Variants in MAN1A1 observed in about 807,000 individuals in gnomAD.
MAN1A1 encodes the protein mannosyl-oligosaccharide 1,2-alpha-mannosidase IA.
Under a neutral mutation model 70.8 loss-of-function variants are expected in MAN1A1, and 29 were observed. The ratio of observed to expected loss-of-function variants is 0.41; its 90% CI spans 0.31 to 0.56. The LOEUF (loss-of-function observed/expected upper bound fraction) is 0.56, where lower values mean the gene tolerates loss of function less well. MAN1A1 is among the 20% of genes least tolerant of loss of function. The pLI is 0.29. For missense variants in MAN1A1, 747 were observed against 841.3 expected (o/e 0.89, Z 1.39); for synonymous variants, 349 against 330.1 (o/e 1.06, Z -0.62).
chr6:119,235,302 A>T (rs1205751537), intron 6 of MAN1A1, among the ~76,000 whole-genome samples: 3 of 152,224 alleles, frequency 2.0e-5, no homozygotes, highest in Non-Finnish European at 4.4e-5. Flanking sequence ...TCTTGTGCCA[A>T]ACAGTTAAAG....
At chr6:119,266,948 A>C (rs1775774426) in intron 5 of MAN1A1, among the ~76,000 whole-genome samples, 1 of 152,236 alleles carries the variant, frequency 6.6e-6, no homozygotes, top group African/African-American at 2.4e-5. Context: ...CACCTCACTA[A>C]AGAAGACAAA....
rs527567745 is a variant in MAN1A1, at chr6:119,210,185, C to T, written c.993-5303G>A. ...TGGCGAGAGGCACTCTCTGATTCCACAAATAACCTGCTCCTGAGAGGTTCA... is the reference window on the plus strand; with the variant it reads ...TGGCGAGAGGCACTCTCTGATTCCATAAATAACCTGCTCCTGAGAGGTTCA... On this transcript the variant is annotated intron_variant, in intron 6 of 12. Coordinates refer to ENST00000368468, the MANE Select transcript of MAN1A1 (RefSeq NM_005907.4). Among the ~76,000 whole-genome samples, 4 of 152,292 alleles carry T rather than the reference C, an allele frequency of 2.6e-5. No homozygotes were observed. The South Asian group carries it at 8.3e-4, about 32-fold the overall frequency.
intron 11 of MAN1A1, among the ~76,000 whole-genome samples, chr6:119,184,887 GA>G (rs1382770635): frequency 1.3e-5 from 2 of 152,090 alleles, no homozygotes; most frequent in African/African-American, 2.4e-5. Flanking sequence ...AGTTTCTCAT[GA>G]TTTTTTTTTT....
At chr6:119,274,535 T>G (rs1309512847) in intron 5 of MAN1A1, among the ~76,000 whole-genome samples, 1 of 152,238 alleles carries the variant, frequency 6.6e-6, no homozygotes, top group Non-Finnish European at 1.5e-5. Flanking sequence ...CCTTCATTTA[T>G]ATCAGATATG....
intron 6 of MAN1A1, among the ~76,000 whole-genome samples, chr6:119,244,736 C>A (rs931403928): frequency 2.6e-5 from 4 of 152,114 alleles, no homozygotes. Context: ...CTGGTGAGTA[C>A]TTATTATCTC....
chr6:119,193,974 T>C (rs1773504766), intron 8 of MAN1A1, 82 bp from the exon 9 acceptor site: 1 of 747,998 alleles, frequency 1.3e-6, no homozygotes, highest in Non-Finnish European at 2.3e-6. Context: ...GCAACTAGGA[T>C]GCAACCCTAT....
At chr6:119,268,843 A>G (rs1028209535) in intron 5 of MAN1A1, among the ~76,000 whole-genome samples, 2 of 152,146 alleles carry the variant, frequency 1.3e-5, no homozygotes, top group Non-Finnish European at 2.9e-5. Context: ...GGCTTCTCAA[A>G]GTGCTCGGAT....
upstream of MAN1A1, among the ~76,000 whole-genome samples, chr6:119,350,031 G>A (rs533527957): frequency 3.9e-5 from 6 of 152,300 alleles, no homozygotes; most frequent in African/African-American, 1.4e-4. Flanking sequence ...GCCCAGCGCC[G>A]AGAAGCGGCA....
intron 2 of MAN1A1, among the ~76,000 whole-genome samples, chr6:119,344,206 T>TA (rs1170022709): frequency 6.6e-6 from 1 of 152,216 alleles, no homozygotes; most frequent in Admixed American, 6.5e-5. Context: ...AACTAGTTTC[T>TA]AAGTCCCATA....
rs1384966811 is a variant in MAN1A1 at position 119,275,317 on chromosome 6, T to A, written c.897+15366A>T. 8.8e-3 allele frequency among the ~76,000 whole-genome samples: 381 copies of A among 43,462 alleles called. 3 individuals are homozygous for A. Among genetic ancestry groups the A allele is most frequent in the African/African-American group, 0.011 (113 of 9,830 alleles). 28.5% of individuals were successfully genotyped at this position (43,462 alleles called of 152,430 possible). The stretch of plus-strand genomic sequence containing the variant: ...TTTTTTTTTTTTTTTTTTTTTTTTT[T>A]TTTTTTTGAGACGGAGTCTCGCTCT... On this transcript the variant is annotated intron_variant, in intron 5 of 12. Coordinates refer to ENST00000368468, the MANE Select transcript of MAN1A1 (RefSeq NM_005907.4).
chr6:119,237,278 T>G (rs1232919240), intron 6 of MAN1A1, among the ~76,000 whole-genome samples: 1 of 152,176 alleles, frequency 6.6e-6, no homozygotes, highest in Non-Finnish European at 1.5e-5. Flanking sequence ...TTTTACCGTG[T>G]GGAAAATGCC....
chr6:119,348,570 C>G lies in MAN1A1; in HGVS notation c.496G>C (p.Ala166Pro). The change falls in exon 2 of 13, where the codon GCG becomes CCG. Residue 166 changes from alanine to proline, a missense_variant. Transcript: ENST00000368468. ...KVAQDQLRDK[A>P]PFRGLPPVDF... Reference sequence around the variant, plus strand: ...ACCGGGGGCAGGCCTCTGAACGGCGCCTTGTCACGCAGCTGGTCCTGGGCC... The same window carrying G: ...ACCGGGGGCAGGCCTCTGAACGGCGGCTTGTCACGCAGCTGGTCCTGGGCC... The G allele has an allele frequency of 6.2e-7, 1 of 1,613,934 alleles. No homozygotes were observed. The highest frequency in any genetic ancestry group is 1.1e-5 in the South Asian group (1 of 91,048).
At chr6:119,242,546 G>A (rs1017583788) in intron 6 of MAN1A1, among the ~76,000 whole-genome samples, 12 of 152,076 alleles carry the variant, frequency 7.9e-5, no homozygotes, top group African/African-American at 2.9e-4. Flanking sequence ...AACCAAGTTA[G>A]TCAGTTCTAG....
chr6:119,309,931 T>C (rs1484710703), intron 2 of MAN1A1, among the ~76,000 whole-genome samples: 4 of 152,312 alleles, frequency 2.6e-5, no homozygotes, highest in East Asian at 1.9e-4. Context: ...AGGTCATTTA[T>C]TGAGTATCTG....
intron 6 of MAN1A1, among the ~76,000 whole-genome samples, chr6:119,230,383 A>G (rs1282828940): frequency 6.6e-6 from 1 of 152,026 alleles, no homozygotes; most frequent in African/African-American, 2.4e-5. Context: ...AGACCCCACC[A>G]CAGAGTCTGT....
intron 3 of MAN1A1, among the ~76,000 whole-genome samples, chr6:119,303,810 C>T (rs1445722489): frequency 6.6e-6 from 1 of 152,182 alleles, no homozygotes; most frequent in Non-Finnish European, 1.5e-5. Context: ...ACTCAGGCAC[C>T]CTTCCCATAT....
intron 2 of MAN1A1, among the ~76,000 whole-genome samples, chr6:119,341,227 C>T (rs944631766): frequency 6.6e-6 from 1 of 152,064 alleles, no homozygotes. Flanking sequence ...CTGCCACATT[C>T]TCCGGAGCAA....
chr6:119,262,791 C>A (rs956870624), intron 5 of MAN1A1, among the ~76,000 whole-genome samples: 1 of 152,054 alleles, frequency 6.6e-6, no homozygotes, highest in Non-Finnish European at 1.5e-5. Context: ...TACTACACAG[C>A]CATAAAAAAT....
intron 2 of MAN1A1, among the ~76,000 whole-genome samples, chr6:119,328,012 G>A (rs1773200829): frequency 6.6e-6 from 1 of 152,174 alleles, no homozygotes; most frequent in Non-Finnish European, 1.5e-5. Context: ...AGCCAGAGAA[G>A]AGCCTGGGCC....
Sources: allele counts gnomAD v4.1 joint callset (sites outside exome capture counted in the v4.1 genomes callset), GRCh38; gene constraint gnomAD v4.1.1; transcripts MANE v1.5; gene names NCBI Gene and HGNC (gene_info 2026-07-23, HGNC 2026-07-21).